Variants in DOCK10 observed in about 807,000 individuals in gnomAD.
DOCK10 encodes dedicator of cytokinesis protein 10.
In DOCK10, 145 loss-of-function variants were observed where a neutral mutation model predicts 280.1. The ratio of observed to expected loss-of-function variants is 0.52; its 90% CI spans 0.45 to 0.59. The LOEUF (loss-of-function observed/expected upper bound fraction) is 0.59. Ranked by LOEUF, DOCK10 falls within the 20% of genes least tolerant of loss-of-function variation. The pLI is 0.00. For missense variants in DOCK10, 2,368 were observed against 2,651.7 expected (o/e 0.89, Z 2.35); for synonymous variants, 915 against 942.2 (o/e 0.97, Z 0.53).
At chr2:224,939,999 T>C (rs1507629) in intron 1 of DOCK10, among the ~76,000 whole-genome samples, 34,624 of 152,104 alleles carry the variant, frequency 0.23, 4,471 homozygotes, top group Non-Finnish European at 0.28. Context: ...ACTTACTTCT[T>C]TCCACATTCC....
chr2:224,856,425 A>G (rs900512948), intron 15 of DOCK10, among the ~76,000 whole-genome samples: 1 of 152,182 alleles, frequency 6.6e-6, no homozygotes, highest in African/African-American at 2.4e-5. Flanking sequence ...TAGGAAGCCT[A>G]TGGTATGGAT....
intron 50 of DOCK10, among the ~76,000 whole-genome samples, chr2:224,783,208 G>A (rs1026015869): frequency 1.3e-5 from 2 of 152,014 alleles, no homozygotes; most frequent in East Asian, 1.9e-4. Flanking sequence ...ATGGAGTGTC[G>A]TGCTTAGGCA....
At chr2:224,825,386 TA>T (rs1218934184) in intron 27 of DOCK10, among the ~76,000 whole-genome samples, 1 of 152,228 alleles carries the variant, frequency 6.6e-6, no homozygotes, top group Non-Finnish European at 1.5e-5. Context: ...TGAAATCAAA[TA>T]AATTAACAAC....
intron 1 of DOCK10, among the ~76,000 whole-genome samples, chr2:224,956,245 T>C (rs866330163): frequency 6.6e-6 from 1 of 152,136 alleles, no homozygotes; most frequent in Non-Finnish European, 1.5e-5. Flanking sequence ...ATCACATGGA[T>C]AAGTTGTTTA....
At chr2:224,864,463 T>C (rs1329628630) in intron 13 of DOCK10, 90 bp downstream of exon 13, 1 of 1,268,824 alleles carries the variant, frequency 7.9e-7, no homozygotes, top group Non-Finnish European at 1.1e-6. Flanking sequence ...TGAGCTGCGA[T>C]TGTGCCACTG....
chr2:224,985,302 C>G (rs539435254), intron 1 of DOCK10, among the ~76,000 whole-genome samples: 1 of 151,900 alleles, frequency 6.6e-6, no homozygotes, highest in Admixed American at 6.6e-5. Context: ...ACTAACAATT[C>G]GTAAGGCTAA....
Position 224,886,147 on chromosome 2 carries a change from T to A in DOCK10, c.528A>T (p.Gly176=). ...TSHSSSKGGG[G]AGGTGVFKSG... is the part of the protein sequence containing the mutation. ...ACTTGAAAACACCAGTTCCTCCCGC[T>A]CCTCCACCCCCCTTGGAAGACGAGT... is the stretch of plus-strand genomic sequence containing the variant. The change falls in exon 6 of 56, where the codon GGA becomes GGT. Residue 176 remains glycine, a synonymous_variant. Coordinates refer to ENST00000258390, the MANE Select transcript of DOCK10 (RefSeq NM_014689.3). 6.2e-7 allele frequency: 1 copy of A among 1,613,808 alleles called. No individual in the cohort carries two copies.
intron 24 of DOCK10, 53 bp from the exon 25 acceptor site, chr2:224,837,884 G>T: frequency 7.2e-7 from 1 of 1,382,640 alleles, no homozygotes; most frequent in Non-Finnish European, 1.0e-6. Context: ...GAAAAACCCC[G>T]CTTTAGTTTG....
chr2:224,952,274 A>C (rs923354039), intron 1 of DOCK10, among the ~76,000 whole-genome samples: 1 of 152,216 alleles, frequency 6.6e-6, no homozygotes, highest in African/African-American at 2.4e-5. Context: ...TAATTTTAAC[A>C]TCAAGGATGT....
chr2:224,948,217 C>T (rs1161840800), intron 1 of DOCK10, among the ~76,000 whole-genome samples: 1 of 152,130 alleles, frequency 6.6e-6, no homozygotes, highest in Non-Finnish European at 1.5e-5. Context: ...GTGATTTGTG[C>T]CAGACAGGGA....
At chr2:224,795,214 A>T (rs1348867125) in intron 44 of DOCK10, 120 bp from the exon 45 acceptor site, 1 of 804,318 alleles carries the variant, frequency 1.2e-6, no homozygotes, top group African/African-American at 1.7e-5. Context: ...ATATAGTTAT[A>T]AATGAGTGCA....
At chr2:224,865,155 A>T in intron 11 of DOCK10, 68 bp from the exon 12 acceptor site, 1 of 1,423,442 alleles carries the variant, frequency 7.0e-7, no homozygotes, top group Middle Eastern at 2.5e-4. Flanking sequence ...CCTCGTTAGT[A>T]CATCATTTAA....
chr2:224,857,797 C>T (rs1459544035), intron 14 of DOCK10, among the ~76,000 whole-genome samples: 3 of 151,122 alleles, frequency 2.0e-5, no homozygotes, highest in Non-Finnish European at 4.4e-5. Context: ...ATATTGAATT[C>T]TTACTTCTTT....
intron 1 of DOCK10, among the ~76,000 whole-genome samples, chr2:225,030,542 A>G (rs1690047644): frequency 6.6e-6 from 1 of 152,186 alleles, no homozygotes; most frequent in African/African-American, 2.4e-5. Flanking sequence ...AATGGCACTA[A>G]CATCTCTGGC....
intron 7 of DOCK10, among the ~76,000 whole-genome samples, chr2:224,876,523 T>C (rs774078753): frequency 8.5e-5 from 13 of 152,226 alleles, no homozygotes; most frequent in Non-Finnish European, 2.9e-5. Flanking sequence ...TAAGAGTTTC[T>C]TTGAGTTTCT....
At chr2:224,918,486 GGT>G (rs150080872) in intron 2 of DOCK10, among the ~76,000 whole-genome samples, 2,330 of 149,014 alleles carry the variant, frequency 0.016, 52 homozygotes, top group African/African-American at 0.053. Flanking sequence ...TTTGTGGTGC[GGT>G]GTGTGTGTGT....
chr2:224,787,410 CA>C lies in DOCK10; in HGVS notation c.5419-14del, dbSNP rs772676957. ...CCACCAGGATATTCTGCAATTCCCC[CA>C]ATCAAAATAAGATTTTACATGATTA... On this transcript the variant is annotated splice_polypyrimidine_tract_variant and intron_variant, in intron 48 of 55. Transcript: ENST00000258390. 3.0e-5 allele frequency: 48 copies of C among 1,613,202 alleles called. No individual in the cohort carries two copies. The highest frequency in any genetic ancestry group is 3.9e-5 in the Non-Finnish European group (46 of 1,179,746).
At chr2:224,856,114 T>A (rs928080162) in intron 15 of DOCK10, among the ~76,000 whole-genome samples, 2 of 152,210 alleles carry the variant, frequency 1.3e-5, no homozygotes, top group Non-Finnish European at 2.9e-5. Context: ...AGTCCGTTGT[T>A]TCCTTAAAGA....
rs140820044 is a variant in DOCK10 at position 225,006,603 on chromosome 2, G to A, written c.123+35649C>T. On this transcript the variant is annotated intron_variant, in intron 1 of 55. Transcript: ENST00000258390. Reference sequence around the variant, plus strand: ...AGGTAATGTCTCTGTCTTCTAAGCCGTTCTAGTCCTCCTACTACACCTATC... The same window carrying A: ...AGGTAATGTCTCTGTCTTCTAAGCCATTCTAGTCCTCCTACTACACCTATC... Among the ~76,000 whole-genome samples, 913 of 152,292 alleles carry A rather than the reference G, an allele frequency of 6.0e-3. 30 individuals are homozygous for A. Among genetic ancestry groups the A allele is most frequent in the Admixed American group, 0.051 (787 of 15,286 alleles).
Sources: gnomAD v4.1 joint callset for allele counts (sites outside exome capture counted in the v4.1 genomes callset) on GRCh38, gnomAD v4.1.1 for gene constraint, MANE v1.5 for transcripts, NCBI Gene and HGNC (gene_info 2026-07-23, HGNC 2026-07-21) for gene names.